The following SGCZ variants were observed in gnomAD, a reference collection of about 807,000 sequenced individuals.
SGCZ encodes the protein sarcoglycan zeta.
A neutral mutation model predicts 41.3 loss-of-function variants in SGCZ; 40 were observed. The ratio of observed to expected loss-of-function variants is 0.97; its 90% CI spans 0.75 to 1.26. The LOEUF is 1.26. SGCZ is among the 50% of genes most tolerant of loss of function. The pLI is 0.00. For missense variants in SGCZ, 552 were observed against 369.8 expected (o/e 1.49, Z -4.04); for synonymous variants, 206 against 137.5 (o/e 1.50, Z -3.49).
intron 1 of SGCZ, among the ~76,000 whole-genome samples, chr8:14,702,814 T>TAGAC (rs1809190666): frequency 1.1e-3 from 2 of 1,870 alleles, no homozygotes; most frequent in East Asian, 0.034. Flanking sequence ...GGTAGTTAGG[T>TAGAC]AGATAGATAG....
intron 2 of SGCZ, among the ~76,000 whole-genome samples, chr8:14,542,168 A>G (rs985889663): frequency 1.3e-5 from 2 of 151,874 alleles, no homozygotes; most frequent in Non-Finnish European, 2.9e-5. Flanking sequence ...GGCTTTTGTT[A>G]TTATTGCTTT....
chr8:15,159,916 T>C (rs1799460343), intron 1 of SGCZ, among the ~76,000 whole-genome samples: 2 of 151,524 alleles, frequency 1.3e-5, no homozygotes, highest in African/African-American at 2.4e-5. Context: ...TTTGTGCCAA[T>C]AGGCACTTAG....
intron 2 of SGCZ, among the ~76,000 whole-genome samples, chr8:14,432,854 CAGTAAG>C (rs1563325811): frequency 1.6e-5 from 2 of 128,536 alleles, no homozygotes; most frequent in African/African-American, 6.0e-5. Flanking sequence ...GAGGAGGTTG[CAGTAAG>C]CCAAGATCGT....
chr8:15,019,705 C>G (rs182424445), intron 1 of SGCZ, among the ~76,000 whole-genome samples: 2 of 151,838 alleles, frequency 1.3e-5, no homozygotes, highest in African/African-American at 4.8e-5. Context: ...GATGCCACAA[C>G]TAAGTCATGT....
At position 14,152,703 on chromosome 8, in the gene SGCZ, T is replaced by C. The variant is rs965544668; in HGVS notation, c.547+11877A>G. On this transcript the variant is annotated intron_variant, in intron 5 of 7. Coordinates refer to ENST00000382080, the MANE Select transcript of SGCZ (RefSeq NM_139167.4). ...ATTTATCTCAGATAAAGAAAAAAAATTGTTCACACAAAAACTTGTACACAG... is the reference window on the plus strand; with the variant it reads ...ATTTATCTCAGATAAAGAAAAAAAACTGTTCACACAAAAACTTGTACACAG... 3.3e-5 allele frequency among the ~76,000 whole-genome samples: 5 copies of C among 151,982 alleles called. No homozygotes were observed. The South Asian group carries it at 8.3e-4, about 25-fold the overall frequency.
In SGCZ at chr8:15,044,500, T is replaced by C. The variant is rs150110283; in HGVS notation, c.39+193085A>G. ...AAGAAATATTTTCCCCAAAAATACA[T>C]ACAGAATCAGGAATGATTATTTTAA... On this transcript the variant is annotated intron_variant, in intron 1 of 7. Coordinates refer to ENST00000382080, the MANE Select transcript of SGCZ (RefSeq NM_139167.4). Among the ~76,000 whole-genome samples, 310 of 152,250 alleles carry C rather than the reference T, an allele frequency of 2.0e-3. 4 individuals carry two copies. In the East Asian group the frequency reaches 0.026, roughly 13 times the overall value.
At chr8:15,063,960 C>A (rs978919381) in intron 1 of SGCZ, among the ~76,000 whole-genome samples, 21 of 152,114 alleles carry the variant, frequency 1.4e-4, no homozygotes, top group Admixed American at 1.3e-4. Flanking sequence ...AAATGGTTAT[C>A]TTATTTTCTG....
At chr8:14,167,274 T>C (rs957310200) in intron 4 of SGCZ, among the ~76,000 whole-genome samples, 2 of 152,150 alleles carry the variant, frequency 1.3e-5, no homozygotes, top group Non-Finnish European at 2.9e-5. Context: ...TTCTCTAAGA[T>C]AGGTCAAGGC....
At chr8:15,000,234 C>T (rs1226155020) in intron 1 of SGCZ, among the ~76,000 whole-genome samples, 3 of 152,112 alleles carry the variant, frequency 2.0e-5, no homozygotes, top group Admixed American at 1.3e-4. Flanking sequence ...CTTGGACTTC[C>T]AGCCTTTAGA....
At chr8:14,479,323 A>G (rs2116999680) in intron 2 of SGCZ, among the ~76,000 whole-genome samples, 1 of 152,272 alleles carries the variant, frequency 6.6e-6, no homozygotes, top group South Asian at 2.1e-4. Context: ...ACGGGAGAAA[A>G]ATAGAGGCCC....
At chr8:15,054,951 G>C (rs1204579319) in intron 1 of SGCZ, among the ~76,000 whole-genome samples, 4 of 112,570 alleles carry the variant, frequency 3.6e-5, no homozygotes, top group Non-Finnish European at 7.6e-5. Context: ...AACAGAGCAA[G>C]ACTCCATCTC....
At chr8:14,270,113 C>T (rs899265587) in intron 3 of SGCZ, among the ~76,000 whole-genome samples, 4 of 151,982 alleles carry the variant, frequency 2.6e-5, no homozygotes, top group African/African-American at 9.7e-5. Context: ...AAGTGGAACC[C>T]CTGAGGTCAG....
intron 5 of SGCZ, among the ~76,000 whole-genome samples, chr8:14,163,987 A>G (rs1345665953): frequency 1.1e-4 from 16 of 152,176 alleles, no homozygotes; most frequent in Non-Finnish European, 8.8e-5. Flanking sequence ...TAAAATTGTC[A>G]TCAAATTATT....
rs183931251 is a variant in SGCZ at position 14,795,925 on chromosome 8, A to G, written c.40-240999T>C. 4.0e-3 allele frequency among the ~76,000 whole-genome samples: 601 copies of G among 152,120 alleles called. 6 individuals are homozygous for G. The highest frequency in any genetic ancestry group is 0.01 in the African/African-American group (435 of 41,500). ...CCACTTACAAGTGAGAACATGTAGT[A>G]TTTGGTTTTCTGTTCCTGTGTTAGT... On this transcript the variant is annotated intron_variant, in intron 1 of 7. Transcript: ENST00000382080.
chr8:14,466,925 C>A (rs1162881944), intron 2 of SGCZ, among the ~76,000 whole-genome samples: 3 of 151,688 alleles, frequency 2.0e-5, no homozygotes, highest in Non-Finnish European at 2.9e-5. Flanking sequence ...AAATCTTTGT[C>A]TCGTGGATCT....
intron 1 of SGCZ, among the ~76,000 whole-genome samples, chr8:15,060,570 G>T: frequency 6.6e-6 from 1 of 150,918 alleles, no homozygotes; most frequent in Middle Eastern, 3.4e-3. Flanking sequence ...CCTAATTAAT[G>T]TAAATGACGA....
intron 1 of SGCZ, among the ~76,000 whole-genome samples, chr8:14,683,475 A>G (rs1162617983): frequency 6.6e-6 from 1 of 152,152 alleles, no homozygotes; most frequent in Non-Finnish European, 1.5e-5. Context: ...AAATAGAAAA[A>G]ATACATATGA....
intron 1 of SGCZ, among the ~76,000 whole-genome samples, chr8:15,008,857 CTG>C (rs1041650872): frequency 6.6e-6 from 1 of 150,872 alleles, no homozygotes; most frequent in Non-Finnish European, 1.5e-5. Flanking sequence ...AAACTTGAAA[CTG>C]ACAATTTTAA....
At chr8:15,116,984 C>G (rs530263984) in intron 1 of SGCZ, among the ~76,000 whole-genome samples, 1 of 152,312 alleles carries the variant, frequency 6.6e-6, no homozygotes, top group Admixed American at 6.5e-5. Context: ...TGCCATCAAT[C>G]TATTCTGAAT....
Sources: allele counts gnomAD v4.1 joint callset (sites outside exome capture counted in the v4.1 genomes callset), GRCh38; gene constraint gnomAD v4.1.1; transcripts MANE v1.5; gene names NCBI Gene and HGNC (gene_info 2026-07-23, HGNC 2026-07-21).